The following PSMD6 variants were observed in gnomAD, a reference collection of about 807,000 sequenced individuals.
The protein encoded by PSMD6 is proteasome 26S subunit, non-ATPase 6, also known as 26S proteasome non-ATPase regulatory subunit 6.
A neutral mutation model predicts 44.9 loss-of-function variants in PSMD6; 7 were observed. The observed-to-expected ratio is 0.16, with a 90% confidence interval of 0.09 to 0.29. The LOEUF is 0.29. Among genes scored for constraint, PSMD6 ranks in the 10% least tolerant of loss-of-function variants. PSMD6 has a pLI of 1.00. For synonymous variants in PSMD6, 184 were observed against 172.7 expected, an observed-to-expected ratio of 1.07 and a Z score of -0.51; for missense variants, 420 against 482.6, an observed-to-expected ratio of 0.87 and a Z score of 1.21.
chr3:64,011,404 A>G (rs1326469458), intron 6 of PSMD6: 1 of 152,486 alleles, frequency 6.6e-6, no homozygotes, highest in Admixed American at 6.5e-5. Flanking sequence ...AACATATCTT[A>G]GTCTAAACAA....
chr3:64,022,670 T>G, intron 1 of PSMD6, 147 bp from the exon 2 acceptor site: 2 of 1,539,490 alleles, frequency 1.3e-6, no homozygotes, highest in East Asian at 4.9e-5. Context: ...CGCTTAATAA[T>G]CGGCTTGGCA....
upstream of PSMD6, chr3:64,023,788 T>G: frequency 6.8e-7 from 1 of 1,472,456 alleles, no homozygotes; most frequent in Non-Finnish European, 9.2e-7. Flanking sequence ...AATAACAGCA[T>G]TAATAAAAAC....
chr3:64,021,124 T>C (rs1443608797), intron 2 of PSMD6, among the ~76,000 whole-genome samples: 1 of 151,750 alleles, frequency 6.6e-6, no homozygotes, highest in South Asian at 2.1e-4. Context: ...TCATATACTA[T>C]ACCCTAGAGA....
chr3:64,022,055 T>C (rs1474947815), intron 2 of PSMD6, among the ~76,000 whole-genome samples: 1 of 152,032 alleles, frequency 6.6e-6, no homozygotes, highest in African/African-American at 2.4e-5. Context: ...TAAATAAAAT[T>C]CTCTAGATGT....
At chr3:64,022,920 T>C (rs1195582603) in intron 1 of PSMD6, 2 of 1,459,554 alleles carry the variant, frequency 1.4e-6, no homozygotes, top group Non-Finnish European at 1.8e-6. Context: ...ACAGGCAAGC[T>C]GAACTCTCCC....
intron 3 of PSMD6, 44 bp from the exon 4 acceptor site, chr3:64,019,081 G>C (rs1229074922): frequency 6.6e-7 from 1 of 1,517,314 alleles, no homozygotes; most frequent in East Asian, 2.3e-5. Context: ...AAACAGACAA[G>C]GCCACGTTTT....
chr3:64,022,617 C>T, intron 1 of PSMD6, 94 bp from the exon 2 acceptor site: 2 of 1,578,874 alleles, frequency 1.3e-6, no homozygotes, highest in Non-Finnish European at 1.7e-6. Flanking sequence ...CGCCACAAGT[C>T]ATCCACCAGT....
intron 5 of PSMD6, chr3:64,015,786 A>G (rs1314426282): frequency 6.6e-6 from 1 of 152,234 alleles, no homozygotes; most frequent in Non-Finnish European, 1.5e-5. Context: ...TGGTGATCAG[A>G]TATTAAAGAA....
Position 64,010,968 on chromosome 3 carries a change from C to T in PSMD6, c.996-13G>A, listed in dbSNP as rs1559671827. ...CCTGGACAGTTCCCTAATTTAGAGA[C>T]AAAAAATAACAGAATTAGCTTTATA... On this transcript the variant is annotated splice_polypyrimidine_tract_variant and intron_variant, in intron 6 of 7. Coordinates refer to ENST00000295901, the MANE Select transcript of PSMD6 (RefSeq NM_014814.3). The T allele has an allele frequency of 1.3e-6, 2 of 1,558,834 alleles. No individual in the cohort carries two copies. The highest frequency in any genetic ancestry group is 1.2e-5 in the South Asian group (1 of 85,930).
At chr3:64,022,754 A>T in intron 1 of PSMD6, 1 of 1,536,434 alleles carries the variant, frequency 6.5e-7, no homozygotes, top group Non-Finnish European at 8.7e-7. Flanking sequence ...CTAGGGCTGG[A>T]GGGAGGGCAA....
chr3:64,022,056 C>A (rs886367239), intron 2 of PSMD6, among the ~76,000 whole-genome samples: 1 of 152,236 alleles, frequency 6.6e-6, no homozygotes, highest in South Asian at 2.1e-4. Context: ...AAATAAAATT[C>A]TCTAGATGTA....
In PSMD6 at chr3:64,018,631, T is replaced by G; in HGVS notation, c.794A>C (p.Glu265Ala). 6.3e-7 allele frequency: 1 copy of G among 1,592,154 alleles called. No homozygotes were observed. The highest frequency in any genetic ancestry group is 1.7e-4 in the Middle Eastern group (1 of 6,026). ...TTGGAAGAAAACAGAGTAACGGCAT[T>G]CATAGAGTGAAAACAGATACTGCCG... The part of the protein sequence containing the change: ...AVRQYLFSLY[E>A]CRYSVFFQSL... Residue 265 changes from glutamate (E) to alanine (A), a missense_variant, in exon 5 of 8, where the codon GAA becomes GCA. Glu to Ala is a moderately radical substitution (Grantham distance 107). Transcript: ENST00000295901.
At chr3:64,014,914 G>C (rs1320123053) in intron 5 of PSMD6, 4 of 152,270 alleles carry the variant, frequency 2.6e-5, no homozygotes, top group Admixed American at 1.3e-4. Flanking sequence ...GTCTAAGGCA[G>C]TCAGACACTG....
Position 64,019,413 on chromosome 3 carries a change from G to A in PSMD6, c.380C>T (p.Thr127Ile). 6.2e-7 allele frequency: 1 copy of A among 1,613,448 alleles called. No individual in the cohort carries two copies. Among genetic ancestry groups the A allele is most frequent in the Non-Finnish European group, 8.5e-7 (1 of 1,179,694 alleles). ...KEGALTAFRK[T>I]YDKTVALGHR... ...ACCCAGGGCCACAGTTTTGTCATAT[G>A]TCTTGCGAAAGGCTGTCAGAGCTCC... The change falls in exon 3 of 8, where the codon ACA (threonine) becomes ATA (isoleucine). Residue 127 changes from threonine to isoleucine, a missense_variant. Physicochemically the swap from Thr to Ile is moderately conservative, Grantham distance 89. Transcript: ENST00000295901.
chr3:64,021,028 G>A (rs992654044), intron 2 of PSMD6, among the ~76,000 whole-genome samples: 1 of 151,856 alleles, frequency 6.6e-6, no homozygotes, highest in African/African-American at 2.4e-5. Flanking sequence ...GGTGGAGTAA[G>A]CTGGCTGCTA....
intron 6 of PSMD6, chr3:64,012,350 C>CA (rs2075971520): frequency 6.6e-6 from 1 of 152,160 alleles, no homozygotes; most frequent in African/African-American, 2.4e-5. Context: ...GCCATCTGGA[C>CA]ATCCCATATT....
Position 64,018,706 on chromosome 3 carries a change from A to C in PSMD6, c.719T>G (p.Val240Gly), listed in dbSNP as rs2076085544. The C allele has an allele frequency of 1.9e-6, 3 of 1,576,854 alleles. No individual in the cohort carries two copies. Among genetic ancestry groups the C allele is most frequent in the Non-Finnish European group, 2.6e-6 (3 of 1,152,528 alleles). Reference protein sequence around the residue: ...ALERPDLREKVIKGAEILEVL... With the variant: ...ALERPDLREKGIKGAEILEVL... ...TTCAAGAATCTCTGCTCCTTTAATG[A>C]CCTAGGTATTTTAAAAAACATATAT... is the stretch of plus-strand genomic sequence containing the variant. The change falls in exon 5 of 8, where the codon GTC becomes GGC. Residue 240 changes from valine to glycine, a missense_variant and splice_region_variant. Transcript: ENST00000295901.
At position 64,018,552 on chromosome 3, in the gene PSMD6, G is replaced by C. The variant is rs143416022; in HGVS notation, c.826+47C>G. 2.7e-3 allele frequency: 3,646 copies of C among 1,373,286 alleles called. 13 individuals are homozygous for C. The highest frequency in any genetic ancestry group is 3.5e-3 in the Non-Finnish European group (3,374 of 973,792). 85.1% of individuals were successfully genotyped at this position (1,373,286 alleles called of 1,614,324 possible). ...CTTAGGTTATTTGCACATAGGATCA[G>C]GAGTAAGATGAAGACAGATAATCAA... On this transcript the variant is annotated intron_variant, in intron 5 of 7. Coordinates refer to ENST00000295901, the MANE Select transcript of PSMD6 (RefSeq NM_014814.3).
At chr3:64,022,005 G>A (rs528928952) in intron 2 of PSMD6, among the ~76,000 whole-genome samples, 2 of 152,260 alleles carry the variant, frequency 1.3e-5, no homozygotes, top group South Asian at 2.1e-4. Context: ...CCAACCAAGT[G>A]AGAAAACTGC....
Sources: gnomAD v4.1 joint callset for allele counts (sites outside exome capture counted in the v4.1 genomes callset) on GRCh38, gnomAD v4.1.1 for gene constraint, MANE v1.5 for transcripts, NCBI Gene and HGNC (gene_info 2026-07-23, HGNC 2026-07-21) for gene names.